The following ZFYVE28 variants were observed in gnomAD, a reference collection of about 807,000 sequenced individuals.
The protein encoded by ZFYVE28 is lateral signaling target protein 2 homolog.
A neutral mutation model predicts 82.1 loss-of-function variants in ZFYVE28; 40 were observed. That is an observed-to-expected ratio of 0.49 (90% CI 0.38 to 0.63). The LOEUF is 0.63. Among genes scored for constraint, ZFYVE28 ranks in the 30% least tolerant of loss-of-function variants. The pLI is 0.00. For missense variants in ZFYVE28, 1,321 were observed against 1,242.1 expected, an observed-to-expected ratio of 1.06 and a Z score of -0.96; for synonymous variants, 612 against 546.1, an observed-to-expected ratio of 1.12 and a Z score of -1.68.
chr4:2,415,776 T>G (rs1183597697), intron 1 of ZFYVE28, among the ~76,000 whole-genome samples: 2 of 152,174 alleles, frequency 1.3e-5, no homozygotes, highest in African/African-American at 4.8e-5. Context: ...GAATCTGAGC[T>G]TTGGTTTGAA....
At chr4:2,319,809 CGGTGGGGATGGTGGGGAT>C (rs1182487884) in intron 7 of ZFYVE28, among the ~76,000 whole-genome samples, 3 of 20,066 alleles carry the variant, frequency 1.5e-4, no homozygotes, top group African/African-American at 3.5e-4. Context: ...ACGGTGGGGA[CGGTGGGGATGGTGGGGAT>C]GGTGGGGACG....
chr4:2,289,478 T>C (rs1322243105), intron 8 of ZFYVE28, among the ~76,000 whole-genome samples: 5 of 152,090 alleles, frequency 3.3e-5, no homozygotes, highest in Admixed American at 3.3e-4. Context: ...CTGAGGCCAC[T>C]GGGCCAGACC....
At chr4:2,366,181 CAT>C (rs1726867373) in intron 1 of ZFYVE28, among the ~76,000 whole-genome samples, 1 of 152,256 alleles carries the variant, frequency 6.6e-6, no homozygotes, top group South Asian at 2.1e-4. Context: ...CAGCAAAAAA[CAT>C]AGGCGTGAAC....
intron 4 of ZFYVE28, 119 bp from the exon 5 acceptor site, chr4:2,337,615 C>T: frequency 1.4e-6 from 1 of 734,532 alleles, no homozygotes; most frequent in Non-Finnish European, 2.2e-6. Context: ...GGCGGGGGGC[C>T]TCACGCCTGT....
chr4:2,328,820 T>C (rs1219898150), intron 6 of ZFYVE28: 6 of 291,288 alleles, frequency 2.1e-5, no homozygotes, highest in Admixed American at 5.2e-5. Context: ...TTTTTTTTTT[T>C]CCAACTTTGT....
chr4:2,304,147 C>T (rs994387340), intron 8 of ZFYVE28, 142 bp downstream of exon 8: 22 of 1,099,636 alleles, frequency 2.0e-5, no homozygotes, highest in East Asian at 2.5e-5. Context: ...CACACACAGA[C>T]CCCACACTCG....
intron 2 of ZFYVE28, among the ~76,000 whole-genome samples, chr4:2,351,310 T>C (rs1414614236): frequency 6.6e-6 from 1 of 151,736 alleles, no homozygotes; most frequent in Non-Finnish European, 1.5e-5. Flanking sequence ...GAGTAGAGAG[T>C]AGAAAGTAGG....
chr4:2,270,789 C>T lies in ZFYVE28; in HGVS notation c.2600G>A (p.Arg867Gln), dbSNP rs1389079460. Residue 867 changes from arginine to glutamine, a missense_variant, in exon 13 of 13, where the codon CGA (arginine) becomes CAA (glutamine). Physicochemically the swap from Arg to Gln is conservative, Grantham distance 43. This residue lies in a region of ZFYVE28 where 978 missense variants were observed against 833.7 expected (regional missense o/e 1.17). Coordinates refer to ENST00000290974, the MANE Select transcript of ZFYVE28 (RefSeq NM_020972.3). ...LPRYGQVKPV[R>Q]VCTHCYMFHV... ...GAACATGTAGCAGTGGGTGCACACT[C>T]GGACCGGCTTCACCTGCCCGTAGCG... 1.2e-6 allele frequency: 2 copies of T among 1,613,040 alleles called. No homozygotes were observed. The highest frequency in any genetic ancestry group is 1.1e-5 in the South Asian group (1 of 91,086).
rs1722714736 is a variant in ZFYVE28, at chr4:2,341,048, A to T, written c.318+430T>A. The stretch of plus-strand genomic sequence containing the variant: ...TCGGTGCCTCAGTTTCCTGATTGGG[A>T]GATGAAGATGAAGATGACAGGCTAT... On this transcript the variant is annotated intron_variant, in intron 3 of 12. Transcript: ENST00000290974. This position sits in a 1 kb window ranked among gnomAD's most constrained non-coding sequence, Gnocchi z 4.5. 1.3e-5 allele frequency among the ~76,000 whole-genome samples: 2 copies of T among 151,614 alleles called. No homozygotes were observed. Among genetic ancestry groups the T allele is most frequent in the Non-Finnish European group, 2.9e-5 (2 of 67,922 alleles).
At chr4:2,368,211 C>CAAAAAAGAAAAA (rs1727095982) in intron 1 of ZFYVE28, among the ~76,000 whole-genome samples, 1 of 86,158 alleles carries the variant, frequency 1.2e-5, no homozygotes, top group African/African-American at 4.4e-5. Flanking sequence ...CACATCTCTA[C>CAAAAAAGAAAAA]AAAAAAAAAA....
intron 6 of ZFYVE28, among the ~76,000 whole-genome samples, chr4:2,331,221 A>G (rs2108847647): frequency 6.6e-6 from 1 of 152,102 alleles, no homozygotes; most frequent in East Asian, 1.9e-4. Flanking sequence ...AGCGTCGCAC[A>G]CACACAGCTG....
intron 8 of ZFYVE28, among the ~76,000 whole-genome samples, chr4:2,278,349 G>C (rs956595180): frequency 1.3e-5 from 2 of 151,062 alleles, no homozygotes; most frequent in African/African-American, 4.9e-5. Flanking sequence ...CACACTGCCC[G>C]GCTAATTTTT....
At chr4:2,284,286 AC>A (rs1712400081) in intron 8 of ZFYVE28, among the ~76,000 whole-genome samples, 1 of 152,088 alleles carries the variant, frequency 6.6e-6, no homozygotes, top group African/African-American at 2.4e-5. Context: ...CAGTGGCGTG[AC>A]CACGGCTCAC....
chr4:2,401,018 A>G (rs1731113692), intron 1 of ZFYVE28, among the ~76,000 whole-genome samples: 1 of 152,194 alleles, frequency 6.6e-6, no homozygotes, highest in Non-Finnish European at 1.5e-5. Context: ...CTTTGTCCAC[A>G]AGGACTGGAG....
chr4:2,369,025 T>G (rs1463144501), intron 1 of ZFYVE28, among the ~76,000 whole-genome samples: 1 of 152,244 alleles, frequency 6.6e-6, no homozygotes. Flanking sequence ...GGCTGTGAAG[T>G]GGCCGCTCAC....
chr4:2,318,072 GC>G (rs902952426), intron 7 of ZFYVE28, among the ~76,000 whole-genome samples: 2 of 152,212 alleles, frequency 1.3e-5, no homozygotes, highest in Non-Finnish European at 2.9e-5. Flanking sequence ...TGTTTCACCA[GC>G]CCTTGATTAG....
chr4:2,306,305 A>G (rs758179671), intron 7 of ZFYVE28, among the ~76,000 whole-genome samples: 3 of 152,262 alleles, frequency 2.0e-5, no homozygotes, highest in Non-Finnish European at 4.4e-5. Flanking sequence ...CACATGGGAC[A>G]TTCCAGCACA....
At chr4:2,389,182 C>G (rs577405679) in intron 1 of ZFYVE28, among the ~76,000 whole-genome samples, 132 of 152,278 alleles carry the variant, frequency 8.7e-4, no homozygotes, top group African/African-American at 3.0e-3. Context: ...TACAGCCTAA[C>G]CCCACTCACA....
intron 2 of ZFYVE28, among the ~76,000 whole-genome samples, 169 bp downstream of exon 2, chr4:2,353,764 G>A (rs920263882): frequency 1.3e-5 from 2 of 152,120 alleles, no homozygotes; most frequent in Non-Finnish European, 2.9e-5. Context: ...CCCACCCCAC[G>A]CATCCTGCCC....
Sources: allele counts gnomAD v4.1 joint callset (sites outside exome capture counted in the v4.1 genomes callset), GRCh38; gene constraint gnomAD v4.1.1; regional missense constraint gnomAD v4.1.1; non-coding constraint Gnocchi (gnomAD v3.1); transcripts MANE v1.5; gene names NCBI Gene and HGNC (gene_info 2026-07-23, HGNC 2026-07-21).